BCAR1: variants seen among roughly 807,000 people sequenced by gnomAD.
The protein encoded by BCAR1 is breast cancer anti-estrogen resistance protein 1.
Under a neutral mutation model 67.6 loss-of-function variants are expected in BCAR1, and 30 were observed. The ratio of observed to expected loss-of-function variants is 0.44; its 90% confidence interval spans 0.33 to 0.60. The LOEUF (loss-of-function observed/expected upper bound fraction) is 0.60. Ranked by LOEUF, BCAR1 falls within the 20% of genes least tolerant of loss-of-function variation. The probability of loss-of-function intolerance (pLI) is 0.02; values close to 1 mark genes in which losing one functional copy is unlikely to be tolerated. For missense variants in BCAR1, 1,313 were observed against 1,222.3 expected (o/e 1.07, Z -1.11); for synonymous variants, 626 against 556.7 (o/e 1.12, Z -1.75).
chr16:75,242,861 G>C lies in BCAR1; in HGVS notation c.242C>G (p.Thr81Ser). Residue 81 changes from threonine to serine, a missense_variant, in exon 2 of 7, where the codon ACC (threonine) becomes AGC (serine). Coordinates refer to ENST00000162330, the MANE Select transcript of BCAR1 (RefSeq NM_014567.5). ...PAGPGPGPPATPAQPQPGLHA... is the reference protein window; with the variant it reads ...PAGPGPGPPASPAQPQPGLHA... ...GAGGCCAGGCTGAGGCTGGGCCGGG[G>C]TGGCGGGAGGGCCGGGGCCAGGCCC... is the stretch of plus-strand genomic sequence containing the variant. 1 of 1,609,510 alleles carries C rather than the reference G, an allele frequency of 6.2e-7. No individual in the cohort carries two copies. The highest frequency in any genetic ancestry group is 8.5e-7 in the Non-Finnish European group (1 of 1,179,010).
At chr16:75,244,909 G>A (rs2077468112) in intron 1 of BCAR1, among the ~76,000 whole-genome samples, 2 of 152,368 alleles carry the variant, frequency 1.3e-5, no homozygotes, top group South Asian at 4.1e-4. Flanking sequence ...AGAGGGTCAG[G>A]AAGACACCAG....
chr16:75,244,041 C>G (rs754873417), intron 1 of BCAR1, among the ~76,000 whole-genome samples: 12 of 152,214 alleles, frequency 7.9e-5, no homozygotes, highest in Non-Finnish European at 1.6e-4. Flanking sequence ...CAGCAGAGGG[C>G]TGCATGGGTT....
chr16:75,244,819 C>A (rs1393636893), intron 1 of BCAR1, among the ~76,000 whole-genome samples: 1 of 152,114 alleles, frequency 6.6e-6, no homozygotes, highest in Non-Finnish European at 1.5e-5. Context: ...ACTGTCCACA[C>A]CATGATTACA....
chr16:75,237,797 G>C (rs545226229), intron 2 of BCAR1, among the ~76,000 whole-genome samples: 1 of 152,290 alleles, frequency 6.6e-6, no homozygotes, highest in African/African-American at 2.4e-5. Context: ...CCACCTAGCT[G>C]TAGCCTCCTC....
intron 2 of BCAR1, among the ~76,000 whole-genome samples, chr16:75,242,076 A>C (rs937703163): frequency 6.6e-6 from 1 of 152,180 alleles, no homozygotes; most frequent in Non-Finnish European, 1.5e-5. Flanking sequence ...CCCCATCTAG[A>C]GGCTGACACG....
intron 2 of BCAR1, chr16:75,238,397 C>G (rs2077216120): frequency 9.3e-7 from 1 of 1,075,258 alleles, no homozygotes; most frequent in Admixed American, 5.3e-5. Context: ...AGGGTTGACT[C>G]AGGGCCTCCC....
chr16:75,267,394 C>CGGGG (rs66513768), intron 1 of BCAR1, among the ~76,000 whole-genome samples: 1 of 124,814 alleles, frequency 8.0e-6, no homozygotes, highest in African/African-American at 4.1e-5. Flanking sequence ...CACAGCAAGC[C>CGGGG]GGGGGGGGGG....
intron 1 of BCAR1, among the ~76,000 whole-genome samples, chr16:75,267,334 G>C (rs11864959): frequency 1.1e-4 from 17 of 149,512 alleles, no homozygotes; most frequent in Admixed American, 3.3e-4. Flanking sequence ...GCACATCAGC[G>C]TCCGCAGCCC....
chr16:75,229,670 C>G lies in BCAR1; in HGVS notation c.2454G>C (p.Leu818=). 6.2e-7 allele frequency: 1 copy of G among 1,612,876 alleles called. No homozygotes were observed. Among genetic ancestry groups the G allele is most frequent in the Non-Finnish European group, 8.5e-7 (1 of 1,179,946 alleles). The change falls in exon 7 of 7, where the codon CTG becomes CTC. Residue 818 remains leucine, a synonymous_variant. Coordinates refer to ENST00000162330, the MANE Select transcript of BCAR1 (RefSeq NM_014567.5). ...VRSQVTHYSN[L]LCDLLRGIVA... ...CGATGCCGCGCAGGAGGTCGCACAG[C>G]AGGTTGCTGTAGTGGGTCACCTGGC...
At chr16:75,236,011 C>T in intron 4 of BCAR1, 25 bp from the exon 5 acceptor site, 2 of 1,538,992 alleles carry the variant, frequency 1.3e-6, no homozygotes, top group Non-Finnish European at 1.8e-6. Flanking sequence ...GTGGTCAAGA[C>T]TGTCCATCTG....
chr16:75,234,900 C>T lies in BCAR1; in HGVS notation c.1999G>A (p.Val667Ile), dbSNP rs1458283230. 13 of 1,534,708 alleles carry T rather than the reference C, an allele frequency of 8.5e-6. No individual in the cohort carries two copies. The highest frequency in any genetic ancestry group is 1.1e-5 in the Non-Finnish European group (12 of 1,136,882). Residue 667 changes from valine to isoleucine, a missense_variant, in exon 5 of 7, where the codon GTC becomes ATC. Physicochemically the swap from Val to Ile is conservative, Grantham distance 29 (BLOSUM62 3). This residue lies in a region of BCAR1 where 1,272 missense variants were observed against 1,137.5 expected (regional missense o/e 1.12). Transcript: ENST00000162330. ...CAGGCGGCACCCACCTGTAGGTGGA[C>T]GTAGTCATAGTCCTCCATCCAGCCC... ...EGGWMEDYDY[V>I]HLQGKEEFEK...
In BCAR1 at chr16:75,257,547, T is replaced by C. The variant is rs1320785108; in HGVS notation, c.66+10368A>G. Reference sequence around the variant, plus strand: ...ACAGCTCACTGCAGCCTCAACCTCCTGGGCTCAAACGATCCTCCCACCTCA... The same window carrying C: ...ACAGCTCACTGCAGCCTCAACCTCCCGGGCTCAAACGATCCTCCCACCTCA... On this transcript the variant is annotated intron_variant, in intron 1 of 6. Coordinates refer to the BCAR1 transcript ENST00000393422. 2.6e-5 allele frequency among the ~76,000 whole-genome samples: 4 copies of C among 152,180 alleles called. No individual in the cohort carries two copies. In the South Asian group the frequency reaches 8.3e-4, roughly 31 times the overall value.
At position 75,229,316 on chromosome 16, in the gene BCAR1, C is replaced by T. The variant is rs983188887; in HGVS notation, c.*195G>A. The T allele has an allele frequency of 7.2e-5, 67 of 935,886 alleles. No individual in the cohort carries two copies. The highest frequency in any genetic ancestry group is 3.5e-4 in the Middle Eastern group (1 of 2,894). The allele number at this position is 935,886 out of a possible 1,614,324, so 58.0% of individuals were successfully genotyped here. ...AGGCCACTGGCCGGCCCCTGGGCTT[C>T]GGCTCCTGAGGAGGCATGGCCCCAC... On this transcript the variant is annotated 3_prime_UTR_variant, in exon 7 of 7. Transcript: ENST00000162330.
Position 75,245,964 on chromosome 16 carries a change from C to CTTTTTTTTTTTTTTTTTTTTT in BCAR1, c.13-2895_13-2875dup, listed in dbSNP as rs60320561. 5.2e-4 allele frequency: 26 copies of CTTTTTTTTTTTTTTTTTTTTT among 49,636 alleles called. 7 individuals are homozygous for CTTTTTTTTTTTTTTTTTTTTT. The highest frequency in any genetic ancestry group is 5.3e-4 in the African/African-American group (7 of 13,146). 3.1% of individuals were successfully genotyped at this position (49,636 alleles called of 1,614,324 possible). On this transcript the variant is annotated intron_variant, in intron 1 of 6. Transcript: ENST00000162330. ...ACAGCCCTCATTTCATAGGATTGTT[C>CTTTTTTTTTTTTTTTTTTTTT]TTTTTTTTTTTTTTTTTTTTTTTTT...
chr16:75,258,687 G>A (rs2077832620), intron 1 of BCAR1, among the ~76,000 whole-genome samples: 1 of 152,228 alleles, frequency 6.6e-6, no homozygotes, highest in African/African-American at 2.4e-5. Flanking sequence ...AAAAATAACA[G>A]CAAAGATTTG....
rs935033835 is a variant in BCAR1, at chr16:75,265,978, C to A, written c.66+1937G>T. On this transcript the variant is annotated intron_variant, in intron 1 of 6. Transcript: ENST00000393422. ...CTCCTGAGCGTTCCCGGACGCCGGA[C>A]TGTCCGGCCGCTCCAGCCGCGCCGC... 5 of 1,056,112 alleles carry A rather than the reference C, an allele frequency of 4.7e-6. No homozygotes were observed. In the African/African-American group the frequency reaches 8.5e-5, roughly 18 times the overall value. 65.4% of individuals were successfully genotyped at this position (1,056,112 alleles called of 1,614,324 possible). A position where few individuals can be genotyped will look rare whatever the true frequency, so the allele number is the denominator to read the frequency against.
upstream of BCAR1, among the ~76,000 whole-genome samples, chr16:75,253,410 A>G (rs371877549): frequency 6.6e-5 from 10 of 152,276 alleles, no homozygotes; most frequent in East Asian, 1.7e-3. Context: ...GGGACGGGCA[A>G]GGACACAAAA....
intron 3 of BCAR1, 87 bp from the exon 4 acceptor site, chr16:75,237,085 C>G: frequency 1.3e-6 from 2 of 1,513,986 alleles, no homozygotes; most frequent in South Asian, 2.7e-5. Flanking sequence ...CGTCCCCAGG[C>G]CTGGCCGGGG....
chr16:75,241,746 G>A (rs1277904970), intron 2 of BCAR1, among the ~76,000 whole-genome samples: 1 of 152,196 alleles, frequency 6.6e-6, no homozygotes, highest in African/African-American at 2.4e-5. Context: ...TGGCACCAAT[G>A]AGGTCTCCAC....
Sources: allele counts gnomAD v4.1 joint callset (sites outside exome capture counted in the v4.1 genomes callset), GRCh38; gene constraint gnomAD v4.1.1; regional missense constraint gnomAD v4.1.1; transcripts MANE v1.5; gene names NCBI Gene and HGNC (gene_info 2026-07-23, HGNC 2026-07-21).